PGBD5: variants seen among roughly 807,000 people sequenced by gnomAD.
PGBD5 encodes piggyBac transposable element-derived protein 5.
In PGBD5, 14 loss-of-function variants were observed where a neutral mutation model predicts 47.9. That is an observed-to-expected ratio of 0.29 (90% CI 0.19 to 0.46). The LOEUF (loss-of-function observed/expected upper bound fraction) is 0.46. PGBD5 is among the 20% of genes least tolerant of loss of function. The pLI is 1.00. For synonymous variants in PGBD5, 316 were observed against 306.3 expected (o/e 1.03, Z -0.33); for missense variants, 635 against 716.0 (o/e 0.89, Z 1.29).
At chr1:230,404,630 AT>A (rs146577517) in intron 1 of PGBD5, among the ~76,000 whole-genome samples, 5,065 of 89,568 alleles carry the variant, frequency 0.057, 115 homozygotes, top group African/African-American at 0.095. Context: ...AAAAAAAAAA[AT>A]ATATATATAT....
chr1:230,373,999 C>T (rs828458), intron 1 of PGBD5, among the ~76,000 whole-genome samples: 65,908 of 152,010 alleles, frequency 0.43, 15,921 homozygotes, highest in African/African-American at 0.64. Flanking sequence ...AGTTTTATAA[C>T]AGCAAAACAG....
At chr1:230,368,178 G>A (rs1377776130) in intron 1 of PGBD5, 1 of 1,353,380 alleles carries the variant, frequency 7.4e-7, no homozygotes, top group East Asian at 4.6e-5. Context: ...GGAGAGAGAA[G>A]GCTTGGGGAG....
intron 4 of PGBD5, among the ~76,000 whole-genome samples, chr1:230,335,920 GACAC>G (rs1235690486): frequency 6.7e-6 from 1 of 148,222 alleles, no homozygotes; most frequent in Admixed American, 6.7e-5. Context: ...CAAAGACACA[GACAC>G]AGACACACAC....
chr1:230,347,716 C>T (rs555340282), intron 3 of PGBD5, among the ~76,000 whole-genome samples: 9 of 152,070 alleles, frequency 5.9e-5, no homozygotes, highest in Middle Eastern at 3.4e-3. Flanking sequence ...ACACCTGGAC[C>T]CCCACCATCC....
At chr1:230,332,030 C>CCAAAAAT (rs1553281535) in intron 5 of PGBD5, among the ~76,000 whole-genome samples, 4 of 147,396 alleles carry the variant, frequency 2.7e-5, no homozygotes, top group Non-Finnish European at 6.0e-5. Flanking sequence ...ACACACCACA[C>CCAAAAAT]ACACACCACA....
chr1:230,362,965 C>T (rs964188524), intron 1 of PGBD5, among the ~76,000 whole-genome samples: 10 of 152,104 alleles, frequency 6.6e-5, no homozygotes, highest in Non-Finnish European at 1.3e-4. Context: ...GCACACCTCT[C>T]GGTCACATCC....
At chr1:230,375,129 C>A (rs1439281370) in intron 1 of PGBD5, among the ~76,000 whole-genome samples, 1 of 152,100 alleles carries the variant, frequency 6.6e-6, no homozygotes, top group Non-Finnish European at 1.5e-5. Flanking sequence ...CCCACACTTG[C>A]GGAGATTGAA....
intron 2 of PGBD5, among the ~76,000 whole-genome samples, chr1:230,354,894 T>C (rs1403064046): frequency 1.3e-5 from 2 of 151,754 alleles, no homozygotes; most frequent in Non-Finnish European, 2.9e-5. Context: ...AAAAATGAAA[T>C]ACAAAGTAAT....
In PGBD5 at chr1:230,318,587, C is replaced by A. The variant is rs539859160; in HGVS notation, c.*4838G>T. The A allele has an allele frequency of 6.6e-6, 1 of 152,362 alleles. No homozygotes were observed. The highest frequency in any genetic ancestry group is 2.1e-4 in the South Asian group (1 of 4,826). 9.4% of individuals were successfully genotyped at this position (152,362 alleles called of 1,614,324 possible). A position where few individuals can be genotyped will look rare whatever the true frequency, so the allele number is the denominator to read the frequency against. ...CGTTTGGAACTCCCACTACACAAGG[C>A]TAAGGCTTTCCACAGCCAAAGCTTG... is the stretch of plus-strand genomic sequence containing the variant. On this transcript the variant is annotated 3_prime_UTR_variant, in exon 7 of 7. Transcript: ENST00000391860.
At chr1:230,348,191 A>G (rs528810186) in intron 3 of PGBD5, among the ~76,000 whole-genome samples, 4 of 152,220 alleles carry the variant, frequency 2.6e-5, no homozygotes, top group African/African-American at 7.2e-5. Flanking sequence ...TGTGTACAGA[A>G]CCCTACATAT....
rs112923904 is a variant in PGBD5 at position 230,358,331 on chromosome 1, CAG to C, written c.332-1012_332-1011del. Among the ~76,000 whole-genome samples the C allele has an allele frequency of 3.8e-3, 571 of 152,216 alleles. 3 individuals carry two copies. Among genetic ancestry groups the C allele is most frequent in the African/African-American group, 0.013 (545 of 41,528 alleles). On this transcript the variant is annotated intron_variant, in intron 1 of 6. Coordinates refer to ENST00000391860, the MANE Select transcript of PGBD5 (RefSeq NM_001258311.2). ...GCAAAGACACGTGGTGTTTCTAACA[CAG>C]GGGCATGGCTACGGCTTTCTGGCTT...
chr1:230,394,567 AC>A (rs1447999873), intron 1 of PGBD5, among the ~76,000 whole-genome samples: 6 of 63,232 alleles, frequency 9.5e-5, no homozygotes, highest in African/African-American at 4.4e-4. Context: ...TTCATTGCCC[AC>A]CCCCCTCCCC....
rs1407466828 is a variant in PGBD5, at chr1:230,319,144, C to T, written c.*4281G>A. On this transcript the variant is annotated 3_prime_UTR_variant, in exon 7 of 7. Coordinates refer to ENST00000391860, the MANE Select transcript of PGBD5 (RefSeq NM_001258311.2). The stretch of plus-strand genomic sequence containing the variant: ...CCTCCTGCGTCAGGCAAACCCGGGT[C>T]TGCTTACCTGGGCGAACCATTGCAC... The T allele has an allele frequency of 1.3e-5, 2 of 152,256 alleles. No individual in the cohort carries two copies. Among genetic ancestry groups the T allele is most frequent in the Non-Finnish European group, 2.9e-5 (2 of 68,084 alleles). The allele number at this position is 152,256 out of a possible 1,614,324, so 9.4% of individuals were successfully genotyped here.
intron 4 of PGBD5, among the ~76,000 whole-genome samples, chr1:230,336,897 G>A (rs1315120937): frequency 3.3e-5 from 5 of 152,214 alleles, no homozygotes; most frequent in South Asian, 4.1e-4. Flanking sequence ...CCTTGAGCCC[G>A]TGGCTCACAC....
chr1:230,405,552 T>C (rs959749677), intron 1 of PGBD5, among the ~76,000 whole-genome samples: 2 of 152,244 alleles, frequency 1.3e-5, no homozygotes, highest in African/African-American at 4.8e-5. Flanking sequence ...CAGTTAACAG[T>C]AGTCTGTTAT....
intron 4 of PGBD5, among the ~76,000 whole-genome samples, chr1:230,336,775 A>T (rs536877245): frequency 6.6e-6 from 1 of 152,270 alleles, no homozygotes; most frequent in African/African-American, 2.4e-5. Context: ...CTAGAGCCTT[A>T]CTAGAAGCTG....
rs76606945 is a variant in PGBD5, at chr1:230,393,143, A to G, written c.331+32455T>C. 5.3e-3 allele frequency among the ~76,000 whole-genome samples: 695 copies of G among 130,036 alleles called. 10 individuals are homozygous for G. Among genetic ancestry groups the G allele is most frequent in the African/African-American group, 0.019 (652 of 35,154 alleles). 85.3% of individuals were successfully genotyped at this position (130,036 alleles called of 152,430 possible). On this transcript the variant is annotated intron_variant, in intron 1 of 6. Coordinates refer to ENST00000391860, the MANE Select transcript of PGBD5 (RefSeq NM_001258311.2). ...GGGAAAAAAGAAGGGTAGGGGAGGAAGAAGAGGAGGAAGGAAAAAGGGAAG... is the reference window on the plus strand; with the variant it reads ...GGGAAAAAAGAAGGGTAGGGGAGGAGGAAGAGGAGGAAGGAAAAAGGGAAG...
Position 230,329,706 on chromosome 1 carries a change from G to T in PGBD5, c.1273+3138C>A, listed in dbSNP as rs564123524. 9.2e-5 allele frequency among the ~76,000 whole-genome samples: 14 copies of T among 152,324 alleles called. No homozygotes were observed. In the South Asian group the frequency reaches 2.9e-3, roughly 32 times the overall value. ...ATGAGATTTAAAATAAATAGGAAAAGGATGAATTATTCAATAAATGGTTTA... is the reference window on the plus strand; with the variant it reads ...ATGAGATTTAAAATAAATAGGAAAATGATGAATTATTCAATAAATGGTTTA... On this transcript the variant is annotated intron_variant, in intron 5 of 6. Coordinates refer to ENST00000391860, the MANE Select transcript of PGBD5 (RefSeq NM_001258311.2).
rs554040911 is a variant in PGBD5 at position 230,351,181 on chromosome 1, T to C, written c.760-89A>G. On this transcript the variant is annotated intron_variant, in intron 2 of 6. Coordinates refer to ENST00000391860, the MANE Select transcript of PGBD5 (RefSeq NM_001258311.2). ...TTGGAGCTCAAATTCAGCCTCTGCA[T>C]TTGAGCAGCTCTGTGACCTTAACTA... 7.1e-6 allele frequency: 10 copies of C among 1,402,990 alleles called. No individual in the cohort carries two copies. In the African/African-American group the frequency reaches 1.2e-4, roughly 16 times the overall value. 86.9% of individuals were successfully genotyped at this position (1,402,990 alleles called of 1,614,324 possible).
Sources: gnomAD v4.1 joint callset for allele counts (sites outside exome capture counted in the v4.1 genomes callset) on GRCh38, gnomAD v4.1.1 for gene constraint, MANE v1.5 for transcripts, NCBI Gene and HGNC (gene_info 2026-07-23, HGNC 2026-07-21) for gene names.